Variants in PTPRG observed in about 807,000 individuals in gnomAD.
PTPRG encodes the protein receptor-type tyrosine-protein phosphatase gamma.
In PTPRG, 102 loss-of-function variants were observed where a neutral mutation model predicts 165.3. The ratio of observed to expected loss-of-function variants is 0.62; its 90% CI spans 0.53 to 0.73. PTPRG has a LOEUF of 0.73. Among genes scored for constraint, PTPRG ranks in the 30% least tolerant of loss-of-function variants. The pLI is 0.00. For synonymous variants in PTPRG, 675 were observed against 669.5 expected (o/e 1.01, Z -0.13); for missense variants, 1,866 against 1,861.4 (o/e 1.00, Z -0.05).
intron 1 of PTPRG, among the ~76,000 whole-genome samples, chr3:61,681,338 G>T (rs1212889368): frequency 1.3e-5 from 2 of 152,228 alleles, no homozygotes; most frequent in Non-Finnish European, 2.9e-5. Flanking sequence ...GGAATATTCT[G>T]TAATGATCCA....
intron 1 of PTPRG, among the ~76,000 whole-genome samples, chr3:61,619,769 T>C (rs1272058653): frequency 6.6e-6 from 1 of 152,184 alleles, no homozygotes; most frequent in East Asian, 1.9e-4. Flanking sequence ...GTAACTGGTA[T>C]TGTGGACAGA....
intron 2 of PTPRG, among the ~76,000 whole-genome samples, chr3:61,984,257 G>A (rs959102469): frequency 9.2e-5 from 14 of 152,284 alleles, no homozygotes; most frequent in African/African-American, 3.4e-4. Context: ...TATAGGTTAA[G>A]CTAATGATGT....
intron 2 of PTPRG, among the ~76,000 whole-genome samples, chr3:61,899,293 A>G (rs1331433980): frequency 6.6e-6 from 1 of 152,200 alleles, no homozygotes; most frequent in Non-Finnish European, 1.5e-5. Context: ...ATGGGTGAAT[A>G]ATTCTGACAG....
intron 1 of PTPRG, among the ~76,000 whole-genome samples, chr3:61,633,305 G>A (rs1194853116): frequency 6.6e-6 from 1 of 152,094 alleles, no homozygotes; most frequent in Non-Finnish European, 1.5e-5. Flanking sequence ...GGAAGCACTT[G>A]GTAAGCATTT....
At chr3:62,097,527 A>G (rs1425176794) in intron 5 of PTPRG, among the ~76,000 whole-genome samples, 3 of 152,098 alleles carry the variant, frequency 2.0e-5, no homozygotes, top group Non-Finnish European at 4.4e-5. Flanking sequence ...TTTTGGGGGC[A>G]AGAGAGGACT....
At chr3:62,024,286 G>A (rs1481542331) in intron 4 of PTPRG, among the ~76,000 whole-genome samples, 3 of 152,014 alleles carry the variant, frequency 2.0e-5, no homozygotes, top group African/African-American at 7.2e-5. Flanking sequence ...TAATAGAAAG[G>A]AATAAATTTC....
intron 2 of PTPRG, among the ~76,000 whole-genome samples, chr3:61,799,638 C>T (rs1054704546): frequency 2.0e-5 from 3 of 152,112 alleles, no homozygotes; most frequent in African/African-American, 7.2e-5. Context: ...AGGTAAAGTG[C>T]CATTTTGATC....
intron 1 of PTPRG, among the ~76,000 whole-genome samples, chr3:61,605,445 G>T (rs555058291): frequency 6.6e-6 from 1 of 151,630 alleles, no homozygotes; most frequent in African/African-American, 2.4e-5. Context: ...TAATAGAGAC[G>T]GGGTTTTGCC....
intron 2 of PTPRG, among the ~76,000 whole-genome samples, chr3:61,851,119 T>C (rs993625648): frequency 5.9e-5 from 9 of 152,174 alleles, no homozygotes; most frequent in Non-Finnish European, 1.0e-4. Flanking sequence ...AAATGATACA[T>C]AGTAACCTAT....
At chr3:61,786,433 A>G (rs2034705390) in intron 2 of PTPRG, among the ~76,000 whole-genome samples, 1 of 152,090 alleles carries the variant, frequency 6.6e-6, no homozygotes, top group African/African-American at 2.4e-5. Context: ...CTCATGAGTT[A>G]TTTCATCAGT....
chr3:61,610,532 T>A (rs1223593775), intron 1 of PTPRG, among the ~76,000 whole-genome samples: 1 of 152,134 alleles, frequency 6.6e-6, no homozygotes, highest in Non-Finnish European at 1.5e-5. Context: ...GATAAAGAGA[T>A]TATATCGTAT....
At chr3:61,753,749 A>G (rs2033538814) in intron 2 of PTPRG, 1 of 353,262 alleles carries the variant, frequency 2.8e-6, no homozygotes, top group African/African-American at 2.2e-5. Context: ...GTGCACAATC[A>G]CACTCCCAGC....
At chr3:62,226,834 T>G (rs373364357) in intron 13 of PTPRG, among the ~76,000 whole-genome samples, 1 of 152,222 alleles carries the variant, frequency 6.6e-6, no homozygotes, top group Non-Finnish European at 1.5e-5. Context: ...TAGCCACATA[T>G]GCAAATAGGA....
intron 1 of PTPRG, among the ~76,000 whole-genome samples, chr3:61,725,887 C>A (rs142201114): frequency 6.6e-6 from 1 of 152,218 alleles, no homozygotes; most frequent in Admixed American, 6.5e-5. Flanking sequence ...TAAGTCAGAT[C>A]GAGAGAACAA....
chr3:62,170,353 G>A (rs552646045), intron 8 of PTPRG, among the ~76,000 whole-genome samples: 1 of 152,140 alleles, frequency 6.6e-6, no homozygotes. Flanking sequence ...TATATGCAGA[G>A]GATGTGGATT....
intron 17 of PTPRG, among the ~76,000 whole-genome samples, chr3:62,264,912 A>G (rs569980630): frequency 1.3e-3 from 202 of 152,096 alleles, no homozygotes; most frequent in African/African-American, 4.6e-3. Flanking sequence ...CCCACCAACA[A>G]TATATAAAGG....
chr3:62,059,379 A>G (rs1450681593), intron 4 of PTPRG, among the ~76,000 whole-genome samples: 2 of 152,172 alleles, frequency 1.3e-5, no homozygotes, highest in African/African-American at 4.8e-5. Context: ...CTCTGATCTC[A>G]TTACCCCAAA....
chr3:61,841,319 G>T (rs545679826), intron 2 of PTPRG, among the ~76,000 whole-genome samples: 2 of 152,278 alleles, frequency 1.3e-5, no homozygotes, highest in South Asian at 4.2e-4. Context: ...CAGTTAAAGC[G>T]AGGCGGCCAG....
At chr3:61,679,008 T>C (rs983467707) in intron 1 of PTPRG, among the ~76,000 whole-genome samples, 42 of 151,960 alleles carry the variant, frequency 2.8e-4, no homozygotes, top group Non-Finnish European at 4.4e-5. Flanking sequence ...TCATCCTAAG[T>C]TAAGTTTATT....
Sources: allele counts gnomAD v4.1 joint callset (sites outside exome capture counted in the v4.1 genomes callset), GRCh38; gene constraint gnomAD v4.1.1; transcripts MANE v1.5; gene names NCBI Gene and HGNC (gene_info 2026-07-23, HGNC 2026-07-21).